ASIC2: variants seen among roughly 807,000 people sequenced by gnomAD.
ASIC2 encodes acid-sensing ion channel 2.
ASIC2 carries 25 observed loss-of-function variants against 57.3 expected under a neutral mutation model. The ratio of observed to expected loss-of-function variants is 0.44; its 90% CI spans 0.32 to 0.61. ASIC2 has a LOEUF of 0.61. Ranked by LOEUF, ASIC2 falls within the 20% of genes least tolerant of loss-of-function variation. ASIC2 has a pLI of 0.06. For missense variants in ASIC2, 641 were observed against 738.1 expected (o/e 0.87, Z 1.52); for synonymous variants, 319 against 307.5 (o/e 1.04, Z -0.39).
chr17:33,547,207 C>G (rs1487971973), intron 1 of ASIC2, among the ~76,000 whole-genome samples: 1 of 152,064 alleles, frequency 6.6e-6, no homozygotes, highest in Non-Finnish European at 1.5e-5. Flanking sequence ...ACAGCACAGA[C>G]ACAACATGGA....
At chr17:33,464,518 T>G (rs1470011608) in intron 1 of ASIC2, among the ~76,000 whole-genome samples, 1 of 40,752 alleles carries the variant, frequency 2.5e-5, no homozygotes, top group African/African-American at 1.1e-4. Flanking sequence ...CTTTCTTTCT[T>G]TCTTTCTTTC....
intron 1 of ASIC2, among the ~76,000 whole-genome samples, chr17:33,246,258 C>T (rs915773941): frequency 2.6e-5 from 4 of 151,960 alleles, no homozygotes; most frequent in South Asian, 2.1e-4. Flanking sequence ...AAATAAAGAG[C>T]GACTCCCAGG....
chr17:33,402,612 T>C lies in ASIC2; in HGVS notation c.556-290545A>G, dbSNP rs147509355. Among the ~76,000 whole-genome samples the C allele has an allele frequency of 7.2e-3, 1,098 of 152,324 alleles. 12 individuals carry two copies. The highest frequency in any genetic ancestry group is 0.025 in the African/African-American group (1,030 of 41,572). The stretch of plus-strand genomic sequence containing the variant: ...TTCATCCATGTCCCTGAAAAGGACA[T>C]GATCTCACTCCTTTTTATGGCTGTA... On this transcript the variant is annotated intron_variant, in intron 1 of 9. Coordinates refer to the ASIC2 transcript ENST00000359872.
chr17:33,653,123 G>A (rs1012279674), intron 1 of ASIC2, among the ~76,000 whole-genome samples: 7 of 152,242 alleles, frequency 4.6e-5, no homozygotes, highest in Non-Finnish European at 8.8e-5. Context: ...TACACGCTAA[G>A]CTTTATTCGA....
At chr17:33,067,585 CA>C (rs1567732941) in intron 3 of ASIC2, among the ~76,000 whole-genome samples, 3 of 152,140 alleles carry the variant, frequency 2.0e-5, no homozygotes, top group Non-Finnish European at 4.4e-5. Flanking sequence ...CAAGAAACCA[CA>C]CTTTATTCTT....
At chr17:33,041,426 C>G (rs1022447413) in intron 3 of ASIC2, among the ~76,000 whole-genome samples, 5 of 152,164 alleles carry the variant, frequency 3.3e-5, no homozygotes, top group African/African-American at 9.7e-5. Flanking sequence ...TCAGAACATC[C>G]CCACATCTCT....
chr17:33,600,906 C>T (rs1905103647), intron 1 of ASIC2, among the ~76,000 whole-genome samples: 1 of 152,156 alleles, frequency 6.6e-6, no homozygotes, highest in East Asian at 1.9e-4. Context: ...TAAAGGCCAT[C>T]CCTTTTATAT....
chr17:33,751,937 G>T (rs909279789), intron 1 of ASIC2, among the ~76,000 whole-genome samples: 1 of 149,896 alleles, frequency 6.7e-6, no homozygotes, highest in Non-Finnish European at 1.5e-5. Context: ...GGAAGCCGGG[G>T]GTGGGGGTGA....
chr17:33,691,761 A>G (rs1383317785), intron 1 of ASIC2, among the ~76,000 whole-genome samples: 1 of 152,132 alleles, frequency 6.6e-6, no homozygotes, highest in Non-Finnish European at 1.5e-5. Context: ...ATATTGTTGT[A>G]TTTAGGAAGG....
At chr17:33,152,244 A>G (rs1366165362) in intron 1 of ASIC2, among the ~76,000 whole-genome samples, 1 of 152,170 alleles carries the variant, frequency 6.6e-6, no homozygotes, top group Non-Finnish European at 1.5e-5. Context: ...CGATCATACT[A>G]GACACAATGT....
At chr17:34,058,610 C>T (rs2142059002) in intron 1 of ASIC2, among the ~76,000 whole-genome samples, 1 of 152,340 alleles carries the variant, frequency 6.6e-6, no homozygotes, top group African/African-American at 2.4e-5. Context: ...TCCTTCTCTT[C>T]TTTCTCCTCC....
chr17:34,062,293 C>T (rs1451672382), intron 1 of ASIC2, among the ~76,000 whole-genome samples: 1 of 152,034 alleles, frequency 6.6e-6, no homozygotes, highest in Non-Finnish European at 1.5e-5. Context: ...AAAACAAAAT[C>T]AAGATGGAAA....
intron 3 of ASIC2, among the ~76,000 whole-genome samples, chr17:33,061,180 C>A (rs1162883211): frequency 6.6e-6 from 1 of 152,142 alleles, no homozygotes; most frequent in African/African-American, 2.4e-5. Flanking sequence ...TTGCCCTGGC[C>A]AGAACTTCCA....
At chr17:33,907,663 C>A (rs965682567) in intron 1 of ASIC2, among the ~76,000 whole-genome samples, 1 of 152,154 alleles carries the variant, frequency 6.6e-6, no homozygotes, top group African/African-American at 2.4e-5. Flanking sequence ...GATGCCTCCC[C>A]AAGTTGTACA....
At chr17:33,697,014 G>C (rs949286085) in intron 1 of ASIC2, among the ~76,000 whole-genome samples, 4 of 152,028 alleles carry the variant, frequency 2.6e-5, no homozygotes, top group Non-Finnish European at 5.9e-5. Context: ...TCTTGATACT[G>C]TCCTCACAAT....
intron 1 of ASIC2, among the ~76,000 whole-genome samples, chr17:33,819,253 A>C (rs1912679022): frequency 6.6e-6 from 1 of 152,194 alleles, no homozygotes; most frequent in African/African-American, 2.4e-5. Flanking sequence ...AGATGTTTTA[A>C]AAGCACTAGA....
chr17:33,045,800 G>A (rs1037564826), intron 3 of ASIC2, among the ~76,000 whole-genome samples: 3 of 152,074 alleles, frequency 2.0e-5, no homozygotes, highest in Non-Finnish European at 2.9e-5. Context: ...CTCCTCCTCC[G>A]TTTCCTCTTT....
At chr17:33,926,108 T>TA (rs1438744089) in intron 1 of ASIC2, among the ~76,000 whole-genome samples, 1 of 152,184 alleles carries the variant, frequency 6.6e-6, no homozygotes, top group Non-Finnish European at 1.5e-5. Context: ...TGAACTCGGT[T>TA]AGGTGGTTGA....
At chr17:33,640,674 A>T (rs1316209108) in intron 1 of ASIC2, among the ~76,000 whole-genome samples, 1 of 152,240 alleles carries the variant, frequency 6.6e-6, no homozygotes, top group Non-Finnish European at 1.5e-5. Context: ...CAGGGTTTAC[A>T]GTAGAAATGC....
Sources: allele counts gnomAD v4.1 joint callset (sites outside exome capture counted in the v4.1 genomes callset), GRCh38; gene constraint gnomAD v4.1.1; transcripts MANE v1.5; gene names NCBI Gene and HGNC (gene_info 2026-07-23, HGNC 2026-07-21).